ATRNL1: variants seen among roughly 807,000 people sequenced by gnomAD.
ATRNL1 encodes the protein attractin like 1, also known as attractin-like protein 1.
ATRNL1 carries 95 observed loss-of-function variants against 182.7 expected under a neutral mutation model. That is an observed-to-expected ratio of 0.52 (90% CI 0.44 to 0.62). The LOEUF is 0.62. Ranked by LOEUF, ATRNL1 falls within the 20% of genes least tolerant of loss-of-function variation. The pLI, the probability that ATRNL1 is intolerant of heterozygous loss-of-function variation, is 0.00. For synonymous variants in ATRNL1, 576 were observed against 568.3 expected (o/e 1.01, Z -0.19); for missense variants, 1,471 against 1,679.5 (o/e 0.88, Z 2.17).
At chr10:115,148,084 A>G (rs1436115476) in intron 5 of ATRNL1, among the ~76,000 whole-genome samples, 2 of 152,126 alleles carry the variant, frequency 1.3e-5, no homozygotes, top group African/African-American at 2.4e-5. Flanking sequence ...ATCCATGTAC[A>G]TGGGATGTCT....
chr10:115,593,298 G>A (rs1157753881), intron 26 of ATRNL1, among the ~76,000 whole-genome samples: 2 of 152,158 alleles, frequency 1.3e-5, no homozygotes, highest in African/African-American at 4.8e-5. Context: ...GCAATCTTGA[G>A]CAAAAAGAGC....
intron 27 of ATRNL1, among the ~76,000 whole-genome samples, chr10:115,787,440 T>C (rs1949423608): frequency 6.6e-6 from 1 of 152,168 alleles, no homozygotes; most frequent in Admixed American, 6.6e-5. Flanking sequence ...AAGATATGTC[T>C]ATTTTATCAT....
intron 26 of ATRNL1, among the ~76,000 whole-genome samples, chr10:115,710,223 T>G (rs1402080125): frequency 6.6e-6 from 1 of 152,130 alleles, no homozygotes; most frequent in Non-Finnish European, 1.5e-5. Context: ...AGTAAGTTAT[T>G]TACTTTGTTT....
intron 18 of ATRNL1, among the ~76,000 whole-genome samples, chr10:115,325,254 A>C (rs2134044466): frequency 6.6e-6 from 1 of 152,266 alleles, no homozygotes; most frequent in East Asian, 1.9e-4. Context: ...CATATTCCAT[A>C]GCTACTGAGA....
intron 5 of ATRNL1, among the ~76,000 whole-genome samples, chr10:115,146,495 A>G: frequency 6.6e-6 from 1 of 152,044 alleles, no homozygotes; most frequent in East Asian, 1.9e-4. Flanking sequence ...CTCTTTTCTA[A>G]CTACTTAGAA....
intron 24 of ATRNL1, among the ~76,000 whole-genome samples, chr10:115,476,568 TG>T (rs1554973154): frequency 6.6e-6 from 1 of 151,456 alleles, no homozygotes; most frequent in East Asian, 1.9e-4. Flanking sequence ...TTGTAGTTTT[TG>T]TACATATACA....
At chr10:115,312,695 A>G (rs1418017641) in intron 17 of ATRNL1, among the ~76,000 whole-genome samples, 1 of 152,142 alleles carries the variant, frequency 6.6e-6, no homozygotes, top group East Asian at 1.9e-4. Flanking sequence ...ATTCCCTCAA[A>G]TAAGTTTTTC....
chr10:115,629,775 GA>G (rs1555025785), intron 26 of ATRNL1, among the ~76,000 whole-genome samples: 1 of 152,002 alleles, frequency 6.6e-6, no homozygotes, highest in East Asian at 1.9e-4. Context: ...TTTAAACATG[GA>G]ATTCTGTTTC....
At chr10:115,660,128 G>A (rs920071495) in intron 26 of ATRNL1, among the ~76,000 whole-genome samples, 3 of 152,106 alleles carry the variant, frequency 2.0e-5, no homozygotes, top group Non-Finnish European at 4.4e-5. Flanking sequence ...ATGATAGGGG[G>A]ACGAACCAAT....
chr10:115,430,140 T>C (rs1554963693), intron 21 of ATRNL1, among the ~76,000 whole-genome samples: 1 of 152,156 alleles, frequency 6.6e-6, no homozygotes, highest in African/African-American at 2.4e-5. Flanking sequence ...TAAAAATGAA[T>C]TTGGAACAAT....
intron 9 of ATRNL1, among the ~76,000 whole-genome samples, chr10:115,239,031 T>A (rs534629212): frequency 6.6e-6 from 1 of 152,294 alleles, no homozygotes; most frequent in Non-Finnish European, 1.5e-5. Flanking sequence ...TTGAATCAAT[T>A]GACTTTGAAT....
intron 28 of ATRNL1, among the ~76,000 whole-genome samples, chr10:115,929,667 T>C (rs1250513501): frequency 2.6e-5 from 4 of 152,202 alleles, no homozygotes; most frequent in South Asian, 4.1e-4. Context: ...ACATGTGTAA[T>C]ATTTTTGCAC....
At chr10:115,830,168 AAAGG>A (rs1950528092) in intron 27 of ATRNL1, among the ~76,000 whole-genome samples, 1 of 152,252 alleles carries the variant, frequency 6.6e-6, no homozygotes. Context: ...ACAAGTGAAC[AAAGG>A]GCTTTGGGTT....
At chr10:115,589,097 G>T (rs1855751798) in intron 26 of ATRNL1, among the ~76,000 whole-genome samples, 1 of 152,078 alleles carries the variant, frequency 6.6e-6, no homozygotes, top group Non-Finnish European at 1.5e-5. Context: ...TAATAAAAAT[G>T]CATACCTCAA....
At chr10:115,198,247 A>G (rs1848434279) in intron 8 of ATRNL1, among the ~76,000 whole-genome samples, 1 of 151,782 alleles carries the variant, frequency 6.6e-6, no homozygotes, top group Non-Finnish European at 1.5e-5. Context: ...TTTAATTTGC[A>G]TTTTTCTGAT....
intron 19 of ATRNL1, among the ~76,000 whole-genome samples, chr10:115,343,170 G>T (rs1164565845): frequency 1.3e-5 from 2 of 151,982 alleles, no homozygotes; most frequent in Admixed American, 6.6e-5. Flanking sequence ...TATTTCTCTA[G>T]TTTGAGAAGT....
intron 6 of ATRNL1, 50 bp downstream of exon 6, chr10:115,160,264 C>A: frequency 6.7e-7 from 1 of 1,486,294 alleles, no homozygotes; most frequent in Non-Finnish European, 9.1e-7. Flanking sequence ...GGATTTTTAT[C>A]CAAAATGTCT....
intron 10 of ATRNL1, among the ~76,000 whole-genome samples, chr10:115,245,149 T>C (rs1554903751): frequency 6.6e-6 from 1 of 152,132 alleles, no homozygotes; most frequent in Non-Finnish European, 1.5e-5. Flanking sequence ...TATAATAATG[T>C]ATATTCTTAA....
Position 115,738,126 on chromosome 10 carries a change from A to ATTTT in ATRNL1, c.3903+10798_3903+10801dup, listed in dbSNP as rs10546896. Among the ~76,000 whole-genome samples the ATTTT allele has an allele frequency of 4.7e-4, 22 of 47,084 alleles. 5 individuals carry two copies. Among genetic ancestry groups the ATTTT allele is most frequent in the African/African-American group, 1.1e-3 (16 of 15,226 alleles). The allele number at this position is 47,084 out of a possible 152,430, so 30.9% of individuals were successfully genotyped here. ...ATAAAAAATGATTTAGAAGATAATG[A>ATTTT]TTTTTTTTTTTTTTTTTTTTTTTTT... is the stretch of plus-strand genomic sequence containing the variant. On this transcript the variant is annotated intron_variant, in intron 27 of 28. Transcript: ENST00000355044.
Sources: gnomAD v4.1 joint callset for allele counts (sites outside exome capture counted in the v4.1 genomes callset) on GRCh38, gnomAD v4.1.1 for gene constraint, MANE v1.5 for transcripts, NCBI Gene and HGNC (gene_info 2026-07-23, HGNC 2026-07-21) for gene names.